ADAMTSL3: variants seen among roughly 807,000 people sequenced by gnomAD.
ADAMTSL3 encodes the protein ADAMTS like 3.
In ADAMTSL3, 128 loss-of-function variants were observed where a neutral mutation model predicts 201.7. The ratio of observed to expected loss-of-function variants is 0.63; its 90% CI spans 0.55 to 0.73. The LOEUF is 0.73. ADAMTSL3 is among the 30% of genes least tolerant of loss of function. ADAMTSL3 has a pLI of 0.00. For synonymous variants in ADAMTSL3, 738 were observed against 748.4 expected (o/e 0.99, Z 0.23); for missense variants, 1,990 against 2,119.6 (o/e 0.94, Z 1.20).
intron 3 of ADAMTSL3, among the ~76,000 whole-genome samples, chr15:83,761,331 C>T (rs2062805959): frequency 6.6e-6 from 1 of 152,144 alleles, no homozygotes. Context: ...CTCCACAATC[C>T]ATTATAATTG....
intron 4 of ADAMTSL3, among the ~76,000 whole-genome samples, chr15:83,774,189 AGT>A (rs908421369): frequency 6.6e-6 from 1 of 152,234 alleles, no homozygotes; most frequent in African/African-American, 2.4e-5. Context: ...TTTATGGGAC[AGT>A]TTAATTCCCA....
At chr15:83,828,114 G>T (rs1260071216) in intron 6 of ADAMTSL3, among the ~76,000 whole-genome samples, 2 of 152,110 alleles carry the variant, frequency 1.3e-5, no homozygotes, top group African/African-American at 4.8e-5. Flanking sequence ...AAATTACCTT[G>T]GGCAGTATGG....
chr15:83,911,489 A>G (rs1015317308), intron 15 of ADAMTSL3, among the ~76,000 whole-genome samples: 6 of 152,188 alleles, frequency 3.9e-5, no homozygotes, highest in African/African-American at 1.4e-4. Context: ...CTCCTTCCCA[A>G]TTCTACCATG....
chr15:83,772,209 A>C (rs535939519), intron 3 of ADAMTSL3, among the ~76,000 whole-genome samples: 1 of 152,138 alleles, frequency 6.6e-6, no homozygotes, highest in Non-Finnish European at 1.5e-5. Flanking sequence ...AACATTTGTT[A>C]TGTTTCAAAA....
chr15:83,721,728 G>C (rs543555614), intron 3 of ADAMTSL3, among the ~76,000 whole-genome samples: 3 of 152,126 alleles, frequency 2.0e-5, no homozygotes, highest in South Asian at 4.2e-4. Context: ...ATATTTATGT[G>C]TTTTGTTTGT....
intron 23 of ADAMTSL3, among the ~76,000 whole-genome samples, chr15:84,005,225 A>G (rs1266411445): frequency 1.3e-5 from 2 of 152,220 alleles, no homozygotes; most frequent in African/African-American, 4.8e-5. Context: ...AGTGGAATCC[A>G]CTTGGAGATT....
chr15:83,907,150 C>A (rs960371379), intron 15 of ADAMTSL3, among the ~76,000 whole-genome samples: 12 of 150,020 alleles, frequency 8.0e-5, no homozygotes, highest in African/African-American at 2.7e-4. Flanking sequence ...AAGTTTAATC[C>A]ATTTAAATAG....
chr15:83,735,439 C>T (rs2141617819), intron 3 of ADAMTSL3, among the ~76,000 whole-genome samples: 1 of 152,204 alleles, frequency 6.6e-6, no homozygotes, highest in East Asian at 1.9e-4. Context: ...TAGCCTTAGC[C>T]CACAAAGATG....
chr15:83,907,446 C>CAG (rs1162803695), intron 15 of ADAMTSL3, among the ~76,000 whole-genome samples: 1 of 152,194 alleles, frequency 6.6e-6, no homozygotes, highest in African/African-American at 2.4e-5. Flanking sequence ...CTCTGTCACC[C>CAG]AGGCTGGAGT....
At chr15:83,675,119 A>G (rs1460802471) in intron 2 of ADAMTSL3, among the ~76,000 whole-genome samples, 1 of 151,982 alleles carries the variant, frequency 6.6e-6, no homozygotes, top group Non-Finnish European at 1.5e-5. Context: ...CTGAAATCAT[A>G]TACTGGTTCT....
intron 9 of ADAMTSL3, among the ~76,000 whole-genome samples, chr15:83,880,662 T>C (rs963103443): frequency 1.3e-5 from 2 of 152,220 alleles, no homozygotes; most frequent in African/African-American, 4.8e-5. Flanking sequence ...CCCCATCTTA[T>C]AATTTGATTT....
chr15:83,715,082 A>G (rs957491326), intron 3 of ADAMTSL3, among the ~76,000 whole-genome samples: 6 of 151,920 alleles, frequency 3.9e-5, no homozygotes, highest in African/African-American at 1.5e-4. Flanking sequence ...CTCAGTTTGG[A>G]TTTCTCATGC....
intron 2 of ADAMTSL3, among the ~76,000 whole-genome samples, chr15:83,698,408 G>T (rs572448385): frequency 3.9e-5 from 6 of 152,322 alleles, no homozygotes; most frequent in African/African-American, 1.4e-4. Flanking sequence ...TGGAGGTGCT[G>T]TCTGGATTCC....
In ADAMTSL3 at chr15:83,982,254, C is replaced by CTTTTT; in HGVS notation, c.2645-12_2645-8dup. The CTTTTT allele has an allele frequency of 8.6e-7, 1 of 1,165,414 alleles. No homozygotes were observed. The highest frequency in any genetic ancestry group is 1.2e-6 in the Non-Finnish European group (1 of 854,302). 72.2% of individuals were successfully genotyped at this position (1,165,414 alleles called of 1,614,324 possible). On this transcript the variant is annotated intron_variant, in intron 20 of 29. Coordinates refer to ENST00000286744, the MANE Select transcript of ADAMTSL3 (RefSeq NM_207517.3). ...TGTTTATTCGTATTTTCTTTTCTTT[C>CTTTTT]TTTTTTTTTTTCTTGGAGAAATCAA...
chr15:83,826,288 AT>A (rs1307755470), intron 6 of ADAMTSL3, among the ~76,000 whole-genome samples: 2 of 151,590 alleles, frequency 1.3e-5, no homozygotes, highest in African/African-American at 4.9e-5. Flanking sequence ...GATAATTTTT[AT>A]TTTTTACATT....
chr15:83,785,352 T>G (rs998300346), intron 4 of ADAMTSL3, among the ~76,000 whole-genome samples: 12 of 152,206 alleles, frequency 7.9e-5, no homozygotes, highest in African/African-American at 2.9e-4. Context: ...TTTTCTTGCT[T>G]TCACACATAA....
intron 6 of ADAMTSL3, among the ~76,000 whole-genome samples, chr15:83,835,215 C>T (rs1291482707): frequency 8.4e-6 from 1 of 118,506 alleles, no homozygotes; most frequent in Non-Finnish European, 1.6e-5. Context: ...GCTTGGGCGG[C>T]AGAGCAAGAC....
intron 17 of ADAMTSL3, 92 bp from the exon 18 acceptor site, chr15:83,942,504 G>A: frequency 2.5e-6 from 3 of 1,220,736 alleles, no homozygotes; most frequent in Non-Finnish European, 3.5e-6. Flanking sequence ...AAGTCTGGAA[G>A]CCCAGAGGAG....
At chr15:83,767,802 C>G (rs767522965) in intron 3 of ADAMTSL3, among the ~76,000 whole-genome samples, 37 of 152,220 alleles carry the variant, frequency 2.4e-4, no homozygotes, top group Non-Finnish European at 1.0e-4. Flanking sequence ...TAACATTAAA[C>G]TGTGTTCACA....
Sources: allele counts gnomAD v4.1 joint callset (sites outside exome capture counted in the v4.1 genomes callset), GRCh38; gene constraint gnomAD v4.1.1; transcripts MANE v1.5; gene names NCBI Gene and HGNC (gene_info 2026-07-23, HGNC 2026-07-21).